Variants in WIPI2 observed in about 807,000 individuals in gnomAD.
The protein encoded by WIPI2 is WD repeat domain, phosphoinositide interacting 2.
A neutral mutation model predicts 52.3 loss-of-function variants in WIPI2; 28 were observed. The ratio of observed to expected loss-of-function variants is 0.54; its 90% CI spans 0.40 to 0.73. The LOEUF (loss-of-function observed/expected upper bound fraction) is 0.73, where lower values mean the gene tolerates loss of function less well. WIPI2 is among the 30% of genes least tolerant of loss of function. The probability of loss-of-function intolerance (pLI) is 0.00; values close to 1 mark genes in which losing one functional copy is unlikely to be tolerated. For synonymous variants in WIPI2, 268 were observed against 245.0 expected, an observed-to-expected ratio of 1.09 and a Z score of -0.88; for missense variants, 506 against 602.9, an observed-to-expected ratio of 0.84 and a Z score of 1.68.
At chr7:5,195,684 A>C (rs1048029895) in intron 2 of WIPI2, among the ~76,000 whole-genome samples, 20 of 152,206 alleles carry the variant, frequency 1.3e-4, no homozygotes, top group African/African-American at 4.8e-4. Flanking sequence ...AGGGGTGTTG[A>C]ACTTGATTGT....
At position 5,197,496 on chromosome 7, in the gene WIPI2, C is replaced by A. The variant is rs1214824592; in HGVS notation, c.129-2080C>A. On this transcript the variant is annotated intron_variant, in intron 2 of 12. Transcript: ENST00000288828. ...ATACCTAATTATTTCATTGATACAA[C>A]AATTGATGTAACTAATTCAGTATAG... Among the ~76,000 whole-genome samples the A allele has an allele frequency of 5.3e-5, 8 of 152,188 alleles. 1 individual carries two copies. In the South Asian group the frequency reaches 1.2e-3, roughly 24 times the overall value.
In WIPI2 at chr7:5,217,108, T is replaced by A; in HGVS notation, c.497T>A (p.Ile166Asn). The A allele has an allele frequency of 6.2e-7, 1 of 1,613,386 alleles. No homozygotes were observed. ...TTTGCAGGCCTGTGTGCGCTGTCAA[T>A]CAACAACGACAACTGCTACTTGGCG... ...PNPAGLCALS[I>N]NNDNCYLAYP... The change falls in exon 6 of 13, where the codon ATC (isoleucine) becomes AAC (asparagine). Residue 166 changes from isoleucine to asparagine, a missense_variant. Transcript: ENST00000288828.
rs1401555311 is a variant in WIPI2, at chr7:5,228,116, C to T, written c.1026C>T (p.Ile342=). ...TTATTCTCCCTAGAATTCAGAAGAT[C>T]CCGCGGTTGTTGGTGGGTGCCGCCG... is the stretch of plus-strand genomic sequence containing the variant. ...NICSLATIQK[I]PRLLVGAADG... is the part of the protein sequence containing the mutation. The change falls in exon 11 of 13, where the codon ATC becomes ATT. Residue 342 remains isoleucine, a synonymous_variant. Transcript: ENST00000288828. 1.2e-6 allele frequency: 2 copies of T among 1,613,934 alleles called. No homozygotes were observed. The highest frequency in any genetic ancestry group is 1.1e-5 in the South Asian group (1 of 91,078).
chr7:5,206,418 G>T (rs770794650), intron 3 of WIPI2, among the ~76,000 whole-genome samples: 39 of 152,142 alleles, frequency 2.6e-4, no homozygotes, highest in Non-Finnish European at 5.0e-4. Flanking sequence ...AGTATATGGA[G>T]GTTCATTTTA....
intron 3 of WIPI2, among the ~76,000 whole-genome samples, chr7:5,203,613 T>C (rs1782137879): frequency 6.7e-6 from 1 of 149,828 alleles, no homozygotes; most frequent in African/African-American, 2.5e-5. Context: ...GTCACTAAAG[T>C]TTACGTTCAG....
rs764067295 is a variant in WIPI2 at position 5,227,135 on chromosome 7, C to G, written c.849-45C>G. ...GTGTGAGTAGGGGGTGGCCGTCCCC[C>G]CAGGGAGGGTGCAGCTTCATGTGTC... is the stretch of plus-strand genomic sequence containing the variant. On this transcript the variant is annotated intron_variant, in intron 9 of 12. Coordinates refer to ENST00000288828, the MANE Select transcript of WIPI2 (RefSeq NM_015610.4). This position sits in a 1 kb window ranked among gnomAD's most constrained non-coding sequence, Gnocchi z 8.1. 1 of 1,611,032 alleles carries G rather than the reference C, an allele frequency of 6.2e-7. No homozygotes were observed. The highest frequency in any genetic ancestry group is 2.2e-5 in the East Asian group (1 of 44,872).
chr7:5,205,215 A>G (rs1289780331), intron 3 of WIPI2, among the ~76,000 whole-genome samples: 5 of 152,164 alleles, frequency 3.3e-5, no homozygotes, highest in South Asian at 2.1e-4. Context: ...ACCTCAGGTT[A>G]TCCATCCGCC....
intron 7 of WIPI2, among the ~76,000 whole-genome samples, chr7:5,221,973 C>T (rs961980223): frequency 1.2e-4 from 18 of 145,900 alleles, no homozygotes; most frequent in Admixed American, 8.2e-4. Context: ...TTTCCCCCCC[C>T]GAGATGGAGT....
At chr7:5,202,495 C>CT (rs1782076229) in intron 3 of WIPI2, among the ~76,000 whole-genome samples, 1 of 152,124 alleles carries the variant, frequency 6.6e-6, no homozygotes, top group Non-Finnish European at 1.5e-5. Flanking sequence ...GCGATCCTCC[C>CT]TCCTCAGCCT....
At chr7:5,225,331 G>A (rs1036511425) in intron 8 of WIPI2, among the ~76,000 whole-genome samples, 14 of 152,018 alleles carry the variant, frequency 9.2e-5, no homozygotes, top group Non-Finnish European at 1.8e-4. Flanking sequence ...AGTAGAGACG[G>A]GGGGTTTCAC....
chr7:5,202,625 G>A (rs1403029493), intron 3 of WIPI2, among the ~76,000 whole-genome samples: 1 of 151,218 alleles, frequency 6.6e-6, no homozygotes, highest in Non-Finnish European at 1.5e-5. Flanking sequence ...GCCTCAAGCA[G>A]TCCTCCCACC....
chr7:5,217,609 C>T, intron 6 of WIPI2: 1 of 429,310 alleles, frequency 2.3e-6, no homozygotes, highest in Non-Finnish European at 4.3e-6. Flanking sequence ...CTGCTCTCTT[C>T]TCAGTAGCAG....
At chr7:5,200,045 G>T (rs1014958577) in intron 3 of WIPI2, among the ~76,000 whole-genome samples, 4 of 152,196 alleles carry the variant, frequency 2.6e-5, no homozygotes, top group Non-Finnish European at 4.4e-5. Flanking sequence ...ATTTTCCCGC[G>T]TTGGCATTTT....
chr7:5,203,782 A>AT (rs72064199), intron 3 of WIPI2, among the ~76,000 whole-genome samples: 3,223 of 143,318 alleles, frequency 0.022, 143 homozygotes, highest in African/African-American at 0.077. Context: ...TGCCCGGCTG[A>AT]TTTTTTTTGT....
intron 1 of WIPI2, 71 bp from the exon 2 acceptor site, chr7:5,193,047 C>T (rs1781553805): frequency 2.7e-6 from 4 of 1,457,062 alleles, no homozygotes; most frequent in Non-Finnish European, 3.8e-6. Context: ...TGATTCCTAT[C>T]CTAAAAGTGT....
intron 2 of WIPI2, among the ~76,000 whole-genome samples, chr7:5,197,598 A>G (rs902611661): frequency 3.3e-5 from 5 of 152,226 alleles, no homozygotes; most frequent in Non-Finnish European, 7.3e-5. Context: ...TTATCCTTCT[A>G]AGATAAATCA....
intron 3 of WIPI2, 22 bp downstream of exon 3, chr7:5,199,680 C>A: frequency 6.4e-7 from 1 of 1,554,480 alleles, no homozygotes; most frequent in Non-Finnish European, 8.6e-7. Flanking sequence ...CTTTATTTTT[C>A]CCCTTCTTAA....
intron 3 of WIPI2, among the ~76,000 whole-genome samples, chr7:5,199,985 A>G (rs932202204): frequency 1.3e-5 from 2 of 152,224 alleles, no homozygotes; most frequent in Non-Finnish European, 2.9e-5. Flanking sequence ...TTACTGTCAT[A>G]AAGGGCTTCC....
chr7:5,218,233 G>A, intron 7 of WIPI2: 2 of 510,454 alleles, frequency 3.9e-6, no homozygotes, highest in South Asian at 2.2e-5. Flanking sequence ...CACATTTGTA[G>A]TAGAAAATAC....
Sources: gnomAD v4.1 joint callset for allele counts (sites outside exome capture counted in the v4.1 genomes callset) on GRCh38, gnomAD v4.1.1 for gene constraint, Gnocchi (gnomAD v3.1) non-coding constraint, MANE v1.5 for transcripts, NCBI Gene and HGNC (gene_info 2026-07-23, HGNC 2026-07-21) for gene names.